The following CYSTM1 variants were observed in gnomAD, a reference collection of about 807,000 sequenced individuals.
CYSTM1 encodes cysteine-rich transmembrane module-containing protein 1.
A neutral mutation model predicts 13.1 loss-of-function variants in CYSTM1; 4 were observed. That is an observed-to-expected ratio of 0.31 (90% confidence interval 0.15 to 0.70). The LOEUF (loss-of-function observed/expected upper bound fraction) is 0.70. CYSTM1 is among the 30% of genes least tolerant of loss of function. The pLI is 0.72. For synonymous variants in CYSTM1, 36 were observed against 42.7 expected (o/e 0.84, Z 0.62); for missense variants, 96 against 121.6 (o/e 0.79, Z 0.99).
chr5:140,234,264 A>G (rs1764651478), intron 2 of CYSTM1, among the ~76,000 whole-genome samples: 1 of 152,182 alleles, frequency 6.6e-6, no homozygotes, highest in Non-Finnish European at 1.5e-5. Context: ...AGCCATGTTC[A>G]TGTGGGTCTA....
chr5:140,237,517 G>C (rs907152439), intron 2 of CYSTM1, among the ~76,000 whole-genome samples: 4 of 152,136 alleles, frequency 2.6e-5, no homozygotes, highest in African/African-American at 9.7e-5. Context: ...TACCAAAAAA[G>C]GACTGGCCAA....
chr5:140,182,613 G>C (rs559573524), intron 1 of CYSTM1, among the ~76,000 whole-genome samples: 62 of 151,392 alleles, frequency 4.1e-4, no homozygotes, highest in African/African-American at 1.5e-3. Context: ...ATCTTTCTTG[G>C]GGGGCAGGAG....
At position 140,186,105 on chromosome 5, in the gene CYSTM1, A is replaced by G. The variant is rs190278539; in HGVS notation, c.-20-8341A>G. 2.6e-5 allele frequency among the ~76,000 whole-genome samples: 4 copies of G among 151,452 alleles called. No individual in the cohort carries two copies. In the East Asian group the frequency reaches 7.8e-4, roughly 30 times the overall value. On this transcript the variant is annotated intron_variant, in intron 1 of 2. Transcript: ENST00000261811. ...GATAATTTTATTTATATTAATAGCA[A>G]TACTGAAGGGGAGGAGCAAGCCAGC...
At chr5:140,179,062 C>T (rs756544971) in intron 1 of CYSTM1, among the ~76,000 whole-genome samples, 1 of 151,166 alleles carries the variant, frequency 6.6e-6, no homozygotes, top group Non-Finnish European at 1.5e-5. Context: ...AGTTCAAGAC[C>T]AGCCTGAGCA....
intron 2 of CYSTM1, among the ~76,000 whole-genome samples, chr5:140,241,271 G>T (rs190473712): frequency 1.3e-3 from 199 of 152,320 alleles, no homozygotes; most frequent in Non-Finnish European, 1.7e-3. Flanking sequence ...GAAAGGCATG[G>T]CCACCGCCTC....
chr5:140,233,132 G>A (rs1764636454), intron 2 of CYSTM1, among the ~76,000 whole-genome samples: 3 of 152,194 alleles, frequency 2.0e-5, no homozygotes, highest in Admixed American at 1.3e-4. Flanking sequence ...TTGAGGCAAA[G>A]AGGAACCACC....
At chr5:140,180,561 A>G (rs1026782489) in intron 1 of CYSTM1, among the ~76,000 whole-genome samples, 1 of 152,234 alleles carries the variant, frequency 6.6e-6, no homozygotes, top group Admixed American at 6.5e-5. Context: ...AAAAATGTTC[A>G]CACCATTTTG....
At chr5:140,205,233 C>T (rs879696474) in intron 2 of CYSTM1, among the ~76,000 whole-genome samples, 2 of 152,158 alleles carry the variant, frequency 1.3e-5, no homozygotes, top group Non-Finnish European at 2.9e-5. Flanking sequence ...CCTCTATATT[C>T]CACGGTCAGA....
At chr5:140,226,514 T>TATATA (rs1561816374) in intron 2 of CYSTM1, among the ~76,000 whole-genome samples, 2 of 120,208 alleles carry the variant, frequency 1.7e-5, no homozygotes, top group African/African-American at 6.3e-5. Context: ...AAATATATAT[T>TATATA]AATAATATAT....
chr5:140,243,153 A>G (rs2126674828), intron 2 of CYSTM1, 152 bp from the exon 3 acceptor site: 1 of 654,238 alleles, frequency 1.5e-6, no homozygotes, highest in East Asian at 2.9e-5. Flanking sequence ...CCCTCCTTCC[A>G]TTCAGCAGCA....
intron 2 of CYSTM1, chr5:140,203,065 C>G (rs1764251550): frequency 6.6e-6 from 1 of 152,178 alleles, no homozygotes. Context: ...TGCATGGTCT[C>G]TCAGTGCTGC....
chr5:140,234,579 C>T (rs1478671281), intron 2 of CYSTM1, among the ~76,000 whole-genome samples: 2 of 152,172 alleles, frequency 1.3e-5, no homozygotes. Context: ...CATTCATTTG[C>T]TGGGTTGTAA....
chr5:140,216,652 C>T (rs1351132517), intron 2 of CYSTM1, among the ~76,000 whole-genome samples: 1 of 152,180 alleles, frequency 6.6e-6, no homozygotes, highest in South Asian at 2.1e-4. Flanking sequence ...TACCAGGAAG[C>T]TTGCTGCCTG....
At chr5:140,225,572 T>A (rs1416577435) in intron 2 of CYSTM1, among the ~76,000 whole-genome samples, 10 of 152,366 alleles carry the variant, frequency 6.6e-5, no homozygotes, top group African/African-American at 2.4e-4. Flanking sequence ...TGCCCAGCCC[T>A]GAGCTCTGCC....
At chr5:140,238,231 G>A (rs1764707613) in intron 2 of CYSTM1, among the ~76,000 whole-genome samples, 1 of 152,192 alleles carries the variant, frequency 6.6e-6, no homozygotes, top group South Asian at 2.1e-4. Flanking sequence ...TCTGAGCTTA[G>A]TAGGCAAAGG....
chr5:140,238,888 C>G (rs1474158858), intron 2 of CYSTM1, among the ~76,000 whole-genome samples: 1 of 152,146 alleles, frequency 6.6e-6, no homozygotes. Context: ...CCTGGCAAAG[C>G]CATCATCTCC....
chr5:140,223,544 A>T (rs567498944), intron 2 of CYSTM1, among the ~76,000 whole-genome samples: 1 of 152,248 alleles, frequency 6.6e-6, no homozygotes, highest in African/African-American at 2.4e-5. Flanking sequence ...CATGCTTAGT[A>T]CTGCGGCTAC....
intron 2 of CYSTM1, among the ~76,000 whole-genome samples, chr5:140,228,104 A>C (rs761871951): frequency 4.6e-5 from 7 of 152,198 alleles, no homozygotes; most frequent in Non-Finnish European, 8.8e-5. Context: ...ATAGACATTA[A>C]GGCTAGTTTG....
At position 140,182,739 on chromosome 5, in the gene CYSTM1, AT is replaced by A. The variant is rs1360481213; in HGVS notation, c.-21+7461del. Among the ~76,000 whole-genome samples the A allele has an allele frequency of 5.0e-4, 76 of 151,738 alleles. 2 individuals carry two copies. The highest frequency in any genetic ancestry group is 8.3e-4 in the South Asian group (4 of 4,792). ...ATAGAAACTGAAGTTATCATCTAGA[AT>A]TTTTTTCCCCCAATCTTCATTGTCC... On this transcript the variant is annotated intron_variant, in intron 1 of 2. Transcript: ENST00000261811.
Sources: allele counts gnomAD v4.1 joint callset (sites outside exome capture counted in the v4.1 genomes callset), GRCh38; gene constraint gnomAD v4.1.1; transcripts MANE v1.5; gene names NCBI Gene and HGNC (gene_info 2026-07-23, HGNC 2026-07-21).